Variants in MUC5B observed in about 807,000 individuals in gnomAD.
MUC5B encodes mucin 5B, oligomeric mucus/gel-forming, also known as mucin-5B.
A neutral mutation model predicts 376.9 loss-of-function variants in MUC5B; 116 were observed. The ratio of observed to expected loss-of-function variants is 0.31; its 90% confidence interval spans 0.26 to 0.36. MUC5B has a LOEUF of 0.36. Ranked by LOEUF, MUC5B falls within the 10% of genes least tolerant of loss-of-function variation. The pLI is 1.00. For synonymous variants in MUC5B, 3,517 were observed against 3,390.9 expected, an observed-to-expected ratio of 1.04 and a Z score of -1.29; for missense variants, 7,165 against 7,769.9, an observed-to-expected ratio of 0.92 and a Z score of 2.93.
rs980769403 is a variant in MUC5B at position 1,244,970 on chromosome 11, T to A, written c.8090T>A (p.Ile2697Asn). Residue 2697 changes from isoleucine (I) to asparagine (N), a missense_variant, in exon 31 of 49, where the codon ATC becomes AAC. Ile to Asn is a moderately radical substitution (Grantham distance 149). This residue lies in a region of MUC5B where 70 missense variants were observed against 169.1 expected (regional missense o/e 0.41). Coordinates refer to ENST00000529681, the MANE Select transcript of MUC5B (RefSeq NM_002458.3). ...TCACTGACCACCACGGCCACTACGATCACGGCCACCGGCTCCACCACCAAC... is the reference window on the plus strand; with the variant it reads ...TCACTGACCACCACGGCCACTACGAACACGGCCACCGGCTCCACCACCAAC... The part of the protein sequence containing the change: ...PPSLTTTATT[I>N]TATGSTTNPS... 9.6e-6 allele frequency: 15 copies of A among 1,557,668 alleles called. No individual in the cohort carries two copies. The African/African-American group carries it at 2.0e-4, about 21-fold the overall frequency.
rs763472776 is a variant in MUC5B at position 1,242,020 on chromosome 11, C to G, written c.5140C>G (p.Pro1714Ala). 6.3e-7 allele frequency: 1 copy of G among 1,586,252 alleles called. No homozygotes were observed. The highest frequency in any genetic ancestry group is 1.3e-5 in the African/African-American group (1 of 74,082). Residue 1714 changes from proline to alanine, a missense_variant, in exon 31 of 49, where the codon CCA (proline) becomes GCA (alanine). Coordinates refer to ENST00000529681, the MANE Select transcript of MUC5B (RefSeq NM_002458.3). Reference protein sequence around the residue: ...GSLGTWRPSQPPTLAPTTMAT... With the variant: ...GSLGTWRPSQAPTLAPTTMAT... ...CTTGGGCACATGGCGCCCCTCACAG[C>G]CACCCACGCTGGCCCCAACAACAAT...
At position 1,249,572 on chromosome 11, in the gene MUC5B, C is replaced by T. The variant is rs751294168; in HGVS notation, c.12692C>T (p.Thr4231Ile). Residue 4231 changes from threonine (T) to isoleucine (I), a missense_variant, in exon 31 of 49, where the codon ACC becomes ATC. Physicochemically the swap from Thr to Ile is moderately conservative, Grantham distance 89 (BLOSUM62 -1). Transcript: ENST00000529681. Reference sequence around the variant, plus strand: ...TGCAACTACGGCCACTGCCCCAGCACCCCGGCCACCAGCTCTACGGCCATG... The same window carrying T: ...TGCAACTACGGCCACTGCCCCAGCATCCCGGCCACCAGCTCTACGGCCATG... ...FCCNYGHCPSTPATSSTAMPS... is the reference protein window; with the variant it reads ...FCCNYGHCPSIPATSSTAMPS... The T allele has an allele frequency of 3.7e-6, 6 of 1,612,704 alleles. No homozygotes were observed. The Admixed American group carries it at 6.7e-5, about 18-fold the overall frequency.
At chr11:1,260,153 G>C in intron 46 of MUC5B, 68 bp downstream of exon 46, 4 of 1,578,112 alleles carry the variant, frequency 2.5e-6, no homozygotes, top group East Asian at 2.3e-5. Context: ...CCCCTGTCTG[G>C]GATGCCCTGC....
rs750381166 is a variant in MUC5B, at chr11:1,252,450, C to A, written c.14971C>A (p.Pro4991Thr). 2 of 1,610,156 alleles carry A rather than the reference C, an allele frequency of 1.2e-6. No homozygotes were observed. Among genetic ancestry groups the A allele is most frequent in the African/African-American group, 2.7e-5 (2 of 74,916 alleles). ...RFQGACPTSP[P>T]PVSSAPLSSP... ...CCAGGGCGCCTGTCCCACCTCCCCACCGCCAGTGTCCTCCGCCCCGCTGTC... is the reference window on the plus strand; with the variant it reads ...CCAGGGCGCCTGTCCCACCTCCCCAACGCCAGTGTCCTCCGCCCCGCTGTC... The change falls in exon 32 of 49, where the codon CCG becomes ACG. Residue 4991 changes from proline to threonine, a missense_variant. By Grantham distance (38) the Pro-to-Thr change is conservative. This residue lies in a region of MUC5B where 730 missense variants were observed against 592.7 expected (regional missense o/e 1.23). Coordinates refer to ENST00000529681, the MANE Select transcript of MUC5B (RefSeq NM_002458.3).
Position 1,246,728 on chromosome 11 carries a change from C to A in MUC5B, c.9848C>A (p.Thr3283Lys). ...CACACCTCCACAGTGCTTACCACCA[C>A]GACCACCACAACCAGGGCCACCGGC... is the stretch of plus-strand genomic sequence containing the variant. ...TVHTSTVLTT[T>K]TTTTRATGSV... Residue 3283 changes from threonine (T) to lysine (K), a missense_variant, in exon 31 of 49, where the codon ACG becomes AAG. Physicochemically the swap from Thr to Lys is moderately conservative, Grantham distance 78. Coordinates refer to ENST00000529681, the MANE Select transcript of MUC5B (RefSeq NM_002458.3). The A allele has an allele frequency of 6.2e-7, 1 of 1,609,226 alleles. No individual in the cohort carries two copies.
rs755867453 is a variant in MUC5B at position 1,232,069 on chromosome 11, C to T, written c.1752C>T (p.Gly584=). 1.8e-5 allele frequency: 29 copies of T among 1,612,654 alleles called. No individual in the cohort carries two copies. In the South Asian group the frequency reaches 1.9e-4, roughly 10 times the overall value. Residue 584 remains glycine, a synonymous_variant, in exon 15 of 49, where the codon GGC becomes GGT. Coordinates refer to ENST00000529681, the MANE Select transcript of MUC5B (RefSeq NM_002458.3). ...TALSGVVEAT[G]AAFANTWKAQ... is the part of the protein sequence containing the mutation. ...TCAGCGGGGTGGTGGAGGCCACGGGCGCAGCCTTCGCCAACACCTGGAAGG... is the reference window on the plus strand; with the variant it reads ...TCAGCGGGGTGGTGGAGGCCACGGGTGCAGCCTTCGCCAACACCTGGAAGG...
chr11:1,259,165 A>G, intron 44 of MUC5B, 104 bp downstream of exon 44: 1 of 1,147,942 alleles, frequency 8.7e-7, no homozygotes, highest in South Asian at 1.4e-5. Context: ...ACCCGCCCCC[A>G]GGTGAGCCCC....
chr11:1,251,908 G>C (rs1590189510), intron 31 of MUC5B, among the ~76,000 whole-genome samples, 165 bp downstream of exon 31: 1 of 141,216 alleles, frequency 7.1e-6, no homozygotes, highest in African/African-American at 2.7e-5. Context: ...TGGCCACACT[G>C]GGTCTCCTCT....
At chr11:1,227,652 C>A in intron 6 of MUC5B, 23 bp from the exon 7 acceptor site, 1 of 716,694 alleles carries the variant, frequency 1.4e-6, no homozygotes, top group Non-Finnish European at 2.6e-6. Context: ...AGAGCCACCA[C>A]ACCCCTGCTT....
rs1267998796 is a variant in MUC5B, at chr11:1,251,214, C to G, written c.14334C>G (p.Ile4778Met). The G allele has an allele frequency of 1.9e-6, 3 of 1,611,054 alleles. No individual in the cohort carries two copies. The highest frequency in any genetic ancestry group is 1.3e-5 in the African/African-American group (1 of 74,692). ...CACCCATGTCCACCATGTCCACAAT[C>G]CACACCTCCTCTACTCCAGAGACCA... is the stretch of plus-strand genomic sequence containing the variant. ...TTTPMSTMSTIHTSSTPETTH... is the reference protein window; with the variant it reads ...TTTPMSTMSTMHTSSTPETTH... Residue 4778 changes from isoleucine (I) to methionine (M), a missense_variant, in exon 31 of 49, where the codon ATC becomes ATG. This residue lies in a region of MUC5B where 730 missense variants were observed against 592.7 expected (regional missense o/e 1.23). Transcript: ENST00000529681.
In MUC5B at chr11:1,226,633, A is replaced by G. The variant is rs778796054; in HGVS notation, c.218A>G (p.Asn73Ser). 2 of 1,610,828 alleles carry G rather than the reference A, an allele frequency of 1.2e-6. No homozygotes were observed. Among genetic ancestry groups the G allele is most frequent in the Admixed American group, 1.7e-5 (1 of 59,808 alleles). ...CCCACAGCCCTGAACCCGGCGCACA[A>G]TGGGCGGGTGTGCAGCACCTGGGGT... is the stretch of plus-strand genomic sequence containing the variant. ...PSLSPLNPAH[N>S]GRVCSTWGDF... Residue 73 changes from asparagine (N) to serine (S), a missense_variant, in exon 4 of 49, where the codon AAT becomes AGT. Physicochemically the swap from Asn to Ser is conservative, Grantham distance 46 (BLOSUM62 1). This residue lies in a region of MUC5B where 640 missense variants were observed against 733.0 expected (regional missense o/e 0.87). Transcript: ENST00000529681.
Position 1,249,490 on chromosome 11 carries a change from C to T in MUC5B, c.12610C>T (p.Arg4204Cys), listed in dbSNP as rs1377521166. The stretch of plus-strand genomic sequence containing the variant: ...GGACTTTGGCCTGGTCTGCAGGAAC[C>T]GTGAGCAGGTGGGGAAGTTCAAGAT... ...SLDFGLVCRN[R>C]EQVGKFKMCF... The change falls in exon 31 of 49, where the codon CGT becomes TGT. Residue 4204 changes from arginine (R) to cysteine (C), a missense_variant. Physicochemically the swap from Arg to Cys is radical, Grantham distance 180. Coordinates refer to ENST00000529681, the MANE Select transcript of MUC5B (RefSeq NM_002458.3). The T allele has an allele frequency of 8.7e-6, 14 of 1,611,386 alleles. No homozygotes were observed. Among genetic ancestry groups the T allele is most frequent in the Admixed American group, 1.7e-5 (1 of 59,982 alleles).
At chr11:1,231,064 C>T in intron 13 of MUC5B, 59 bp downstream of exon 13, 2 of 1,498,496 alleles carry the variant, frequency 1.3e-6, no homozygotes, top group Non-Finnish European at 1.8e-6. Flanking sequence ...GGGCAGCTCC[C>T]ACAGCCTGGG....
Position 1,247,926 on chromosome 11 carries a change from G to A in MUC5B, c.11046G>A (p.Thr3682=), listed in dbSNP as rs769776719. The change falls in exon 31 of 49, where the codon ACG becomes ACA. Residue 3682 remains threonine (T), a synonymous_variant. Coordinates refer to ENST00000529681, the MANE Select transcript of MUC5B (RefSeq NM_002458.3). ...PSTPATSSTA[T]PSSTPGTTWI... ...CCCCGGCCACCAGCTCTACGGCCAC[G>A]CCCTCCTCAACTCCGGGGACGACCT... 2.7e-5 allele frequency: 43 copies of A among 1,611,044 alleles called. 1 individual carries two copies. Among genetic ancestry groups the A allele is most frequent in the African/African-American group, 1.7e-4 (13 of 74,668 alleles).
chr11:1,256,656 CTT>C lies in MUC5B; in HGVS notation c.16137-14_16137-13del, dbSNP rs1486493450. On this transcript the variant is annotated splice_polypyrimidine_tract_variant and intron_variant, in intron 38 of 48. Coordinates refer to ENST00000529681, the MANE Select transcript of MUC5B (RefSeq NM_002458.3). Reference sequence around the variant, plus strand: ...TGGATCTCTAGGTCTCAGGGCCTCTCTTGTCATCCTGCAGGAACCAGAGCCCA... The same window carrying C: ...TGGATCTCTAGGTCTCAGGGCCTCTCGTCATCCTGCAGGAACCAGAGCCCA... 2.6e-6 allele frequency: 4 copies of C among 1,550,754 alleles called. No individual in the cohort carries two copies. The highest frequency in any genetic ancestry group is 3.4e-4 in the Middle Eastern group (2 of 5,952).
In MUC5B at chr11:1,233,801, C is replaced by G. The variant is rs559627277; in HGVS notation, c.2330C>G (p.Thr777Arg). Residue 777 changes from threonine to arginine, a missense_variant, in exon 19 of 49, where the codon ACG (threonine) becomes AGG (arginine). This residue lies in a region of MUC5B where 530 missense variants were observed against 604.0 expected (regional missense o/e 0.88). Transcript: ENST00000529681. ...CCGTCTGTCTCTTGTAGTTCATGTACGGGTGGGAAGCTAAGCTGCCTGGGA... is the reference window on the plus strand; with the variant it reads ...CCGTCTGTCTCTTGTAGTTCATGTAGGGGTGGGAAGCTAAGCTGCCTGGGA... Reference protein sequence around the residue: ...VHDEGAVCSCTGGKLSCLGAS... With the variant: ...VHDEGAVCSCRGGKLSCLGAS... 4 of 1,605,104 alleles carry G rather than the reference C, an allele frequency of 2.5e-6. No individual in the cohort carries two copies. Among genetic ancestry groups the G allele is most frequent in the Admixed American group, 1.7e-5 (1 of 59,100 alleles).
At position 1,243,326 on chromosome 11, in the gene MUC5B, C is replaced by T; in HGVS notation, c.6446C>T (p.Pro2149Leu). ...ACGGCCACCGGCTCCACCACCAACCCCTCCTCAACTCCTGGGACAACTCCC... is the reference window on the plus strand; with the variant it reads ...ACGGCCACCGGCTCCACCACCAACCTCTCCTCAACTCCTGGGACAACTCCC... Reference protein sequence around the residue: ...TITATGSTTNPSSTPGTTPIP... With the variant: ...TITATGSTTNLSSTPGTTPIP... The change falls in exon 31 of 49, where the codon CCC (proline) becomes CTC (leucine). Residue 2149 changes from proline to leucine, a missense_variant. Transcript: ENST00000529681. The T allele has an allele frequency of 1.3e-6, 2 of 1,557,622 alleles. No homozygotes were observed. The highest frequency in any genetic ancestry group is 8.7e-7 in the Non-Finnish European group (1 of 1,150,718).
At position 1,260,444 on chromosome 11, in the gene MUC5B, C is replaced by A. The variant is rs112864490; in HGVS notation, c.16966+51C>A. On this transcript the variant is annotated intron_variant, in intron 47 of 48. Coordinates refer to ENST00000529681, the MANE Select transcript of MUC5B (RefSeq NM_002458.3). ...CAGCCCTCCAGCTCCAGCCCGTCGC[C>A]ACCCATCCATTCCTGCCCAGACATC... The A allele has an allele frequency of 6.7e-4, 1,067 of 1,600,830 alleles. 14 individuals carry two copies. The African/African-American group carries it at 0.013, about 19-fold the overall frequency.
In MUC5B at chr11:1,226,569, G is replaced by A. The variant is rs144224133; in HGVS notation, c.200-46G>A. On this transcript the variant is annotated intron_variant, in intron 3 of 48. Transcript: ENST00000529681. ...GCCTCGGCCCAGGGGAGGCTACCCC[G>A]TGGGGGGCTGGCATGGGGATGGGCC... The A allele has an allele frequency of 4.7e-3, 7,361 of 1,574,054 alleles. 25 individuals are homozygous for A. Among genetic ancestry groups the A allele is most frequent in the Non-Finnish European group, 5.6e-3 (6,459 of 1,160,864 alleles).
Sources: allele counts gnomAD v4.1 joint callset (sites outside exome capture counted in the v4.1 genomes callset), GRCh38; gene constraint gnomAD v4.1.1; regional missense constraint gnomAD v4.1.1; transcripts MANE v1.5; gene names NCBI Gene and HGNC (gene_info 2026-07-23, HGNC 2026-07-21).